RFX7: variants seen among roughly 807,000 people sequenced by gnomAD.
The protein encoded by RFX7 is regulatory factor X7.
In RFX7, 26 loss-of-function variants were observed where a neutral mutation model predicts 111.8. That is an observed-to-expected ratio of 0.23 (90% CI 0.17 to 0.32). The LOEUF is 0.32. RFX7 is among the 10% of genes least tolerant of loss of function. The pLI is 1.00. For synonymous variants in RFX7, 624 were observed against 624.4 expected, an observed-to-expected ratio of 1.00 and a Z score of 0.01; for missense variants, 1,573 against 1,772.9, an observed-to-expected ratio of 0.89 and a Z score of 2.02.
chr15:56,139,627 T>C (rs1198776563), intron 5 of RFX7, among the ~76,000 whole-genome samples: 4 of 152,242 alleles, frequency 2.6e-5, no homozygotes, highest in Non-Finnish European at 5.9e-5. Context: ...CTCAAAGACA[T>C]TCTCCATCCA....
At chr15:56,116,122 TTA>T (rs1187607102) in intron 5 of RFX7, among the ~76,000 whole-genome samples, 4 of 152,200 alleles carry the variant, frequency 2.6e-5, no homozygotes, top group African/African-American at 7.2e-5. Flanking sequence ...CTACACTTAG[TTA>T]TTCAATAGTT....
chr15:56,241,783 C>G (rs1407573613), intron 2 of RFX7, among the ~76,000 whole-genome samples: 1 of 152,088 alleles, frequency 6.6e-6, no homozygotes, highest in Non-Finnish European at 1.5e-5. Context: ...CACAACATGA[C>G]TATTGTCAAA....
At chr15:56,110,251 CGTCCGGG>C (rs2041900576) in intron 5 of RFX7, among the ~76,000 whole-genome samples, 3 of 105,644 alleles carry the variant, frequency 2.8e-5, no homozygotes, top group African/African-American at 1.0e-4. Flanking sequence ...CCAGCCGCCC[CGTCCGGG>C]AGGGAGGTGG....
chr15:56,122,532 G>C (rs1365878285), intron 5 of RFX7, among the ~76,000 whole-genome samples: 1 of 152,166 alleles, frequency 6.6e-6, no homozygotes, highest in African/African-American at 2.4e-5. Context: ...TACCACGACA[G>C]GGCTACCATT....
intron 5 of RFX7, among the ~76,000 whole-genome samples, chr15:56,125,034 G>A (rs62044100): frequency 0.012 from 1,751 of 152,136 alleles, 14 homozygotes; most frequent in Non-Finnish European, 0.017. Flanking sequence ...TTTTGTATAG[G>A]GTGAGAGATG....
chr15:56,114,428 CA>C (rs2041980134), intron 5 of RFX7, among the ~76,000 whole-genome samples: 2 of 134,500 alleles, frequency 1.5e-5, no homozygotes, highest in East Asian at 2.3e-4. Context: ...AAAAAAAAAA[CA>C]AACAACAACA....
intron 5 of RFX7, among the ~76,000 whole-genome samples, chr15:56,118,261 TG>T (rs1333776569): frequency 4.6e-5 from 7 of 152,298 alleles, no homozygotes; most frequent in African/African-American, 1.7e-4. Flanking sequence ...CACCCTGTTG[TG>T]CTGTCAAATA....
chr15:56,224,158 T>G (rs1399506249), intron 2 of RFX7, among the ~76,000 whole-genome samples: 2 of 152,012 alleles, frequency 1.3e-5, no homozygotes, highest in African/African-American at 4.8e-5. Flanking sequence ...CACATTAAAA[T>G]TTTTGTAAAA....
In RFX7 at chr15:56,243,276, C is replaced by T; in HGVS notation, c.10G>A (p.Glu4Lys). 8.0e-7 allele frequency: 1 copy of T among 1,247,796 alleles called. No homozygotes were observed. Among genetic ancestry groups the T allele is most frequent in the Non-Finnish European group, 1.0e-6 (1 of 962,926 alleles). The allele number at this position is 1,247,796 out of a possible 1,614,324, so 77.3% of individuals were successfully genotyped here. A position where few individuals can be genotyped will look rare whatever the true frequency, so the allele number is the denominator to read the frequency against. ...TGCTGTGGTGGCGGCTGTTGTTGTTCCTCTGCCATCGCTGCAGAGGGGTGG... is the reference window on the plus strand; with the variant it reads ...TGCTGTGGTGGCGGCTGTTGTTGTTTCTCTGCCATCGCTGCAGAGGGGTGG... MAE[E>K]QQQPPPQQPD... Residue 4 changes from glutamate to lysine, a missense_variant, in exon 2 of 10, where the codon GAA becomes AAA. By Grantham distance (56) the Glu-to-Lys change is moderately conservative. Around this residue, in one of 7 missense-constraint regions of RFX7, gnomAD observed 191 missense variants for 194.2 expected, o/e 0.98. Coordinates refer to ENST00000559447, the MANE Select transcript of RFX7 (RefSeq NM_022841.7).
chr15:56,139,659 G>A (rs1417392165), intron 5 of RFX7, among the ~76,000 whole-genome samples: 4 of 152,200 alleles, frequency 2.6e-5, no homozygotes, highest in African/African-American at 9.7e-5. Flanking sequence ...TTGCTGGTGA[G>A]GAACTGCGTT....
At chr15:56,161,238 G>A (rs1022312782) in intron 3 of RFX7, among the ~76,000 whole-genome samples, 1 of 151,984 alleles carries the variant, frequency 6.6e-6, no homozygotes, top group African/African-American at 2.4e-5. Context: ...ATGACCTAGA[G>A]AATTTACTGC....
chr15:56,241,592 C>T (rs1482226598), intron 2 of RFX7, among the ~76,000 whole-genome samples: 1 of 152,092 alleles, frequency 6.6e-6, no homozygotes, highest in Non-Finnish European at 1.5e-5. Context: ...AGGTTAAAAA[C>T]ACACACACAT....
chr15:56,223,415 G>A (rs1401345792), intron 2 of RFX7, among the ~76,000 whole-genome samples: 1 of 152,096 alleles, frequency 6.6e-6, no homozygotes, highest in Non-Finnish European at 1.5e-5. Flanking sequence ...GGATAGCCAG[G>A]GTGAGCTTAC....
intron 2 of RFX7, among the ~76,000 whole-genome samples, chr15:56,209,651 A>T (rs2043290750): frequency 6.6e-6 from 1 of 152,068 alleles, no homozygotes; most frequent in African/African-American, 2.4e-5. Flanking sequence ...AAAATTAATG[A>T]CAGTAGTAAT....
chr15:56,220,761 G>A (rs1458469227), intron 2 of RFX7, among the ~76,000 whole-genome samples: 1 of 152,180 alleles, frequency 6.6e-6, no homozygotes, highest in South Asian at 2.1e-4. Flanking sequence ...CGGTTCCTAT[G>A]ACCAGAATGT....
chr15:56,127,036 G>T (rs2042153475), intron 5 of RFX7, among the ~76,000 whole-genome samples: 1 of 152,004 alleles, frequency 6.6e-6, no homozygotes, highest in Non-Finnish European at 1.5e-5. Context: ...CACTCCTCCA[G>T]CCAACAATAG....
At chr15:56,169,685 T>C (rs2042820583) in intron 3 of RFX7, among the ~76,000 whole-genome samples, 1 of 149,656 alleles carries the variant, frequency 6.7e-6, no homozygotes, top group Non-Finnish European at 1.5e-5. Flanking sequence ...CACTCTGCTA[T>C]AATGCTAGTC....
At chr15:56,131,865 C>CA (rs1372661296) in intron 5 of RFX7, among the ~76,000 whole-genome samples, 5 of 151,902 alleles carry the variant, frequency 3.3e-5, no homozygotes, top group Non-Finnish European at 5.9e-5. Flanking sequence ...TCAAAAGTAA[C>CA]AACTAAAAAT....
At chr15:56,200,549 C>T (rs2043184182) in intron 2 of RFX7, among the ~76,000 whole-genome samples, 1 of 151,946 alleles carries the variant, frequency 6.6e-6, no homozygotes, top group East Asian at 1.9e-4. Flanking sequence ...TGCTGTAATC[C>T]CAGCACTTTG....
Sources: allele counts gnomAD v4.1 joint callset (sites outside exome capture counted in the v4.1 genomes callset), GRCh38; gene constraint gnomAD v4.1.1; regional missense constraint gnomAD v4.1.1; transcripts MANE v1.5; gene names NCBI Gene and HGNC (gene_info 2026-07-23, HGNC 2026-07-21).